VWC2L: variants seen among roughly 807,000 people sequenced by gnomAD.
VWC2L encodes the protein von Willebrand factor C domain containing 2 like, also known as von Willebrand factor C domain-containing protein 2-like.
Under a neutral mutation model 21.6 loss-of-function variants are expected in VWC2L, and 10 were observed. The observed-to-expected ratio is 0.46, with a 90% CI of 0.29 to 0.78. The LOEUF (loss-of-function observed/expected upper bound fraction) is 0.78. Among genes scored for constraint, VWC2L ranks in the 30% least tolerant of loss-of-function variants. The probability of loss-of-function intolerance (pLI) is 0.10; values close to 1 mark genes in which losing one functional copy is unlikely to be tolerated. For synonymous variants in VWC2L, 96 were observed against 94.3 expected (o/e 1.02, Z -0.10); for missense variants, 209 against 277.1 (o/e 0.75, Z 1.74).
chr2:214,447,346 G>T (rs1161794451), intron 3 of VWC2L, among the ~76,000 whole-genome samples: 2 of 152,114 alleles, frequency 1.3e-5, no homozygotes, highest in Non-Finnish European at 2.9e-5. Flanking sequence ...AGACATCCAT[G>T]TATCTCTCAG....
rs926260931 is a variant in VWC2L at position 214,436,438 on chromosome 2, A to G, written c.391-191A>G. 5 of 598,346 alleles carry G rather than the reference A, an allele frequency of 8.4e-6. No homozygotes were observed. The Admixed American group carries it at 1.2e-4, about 15-fold the overall frequency. 37.1% of individuals were successfully genotyped at this position (598,346 alleles called of 1,614,324 possible). On this transcript the variant is annotated intron_variant, in intron 2 of 3. Transcript: ENST00000312504. ...TTCTTGTTCACAGCAACCTGAGTGC[A>G]GGTTGTAATCCACTGTGACTTGGGT... is the stretch of plus-strand genomic sequence containing the variant.
intron 3 of VWC2L, among the ~76,000 whole-genome samples, chr2:214,511,860 CTATATATATACTT>C (rs199531026): frequency 0.36 from 52,801 of 145,466 alleles, 10,967 homozygotes; most frequent in Non-Finnish European, 0.48. Flanking sequence ...TATATATACT[CTATATATATACTT>C]TATATATATA....
chr2:214,507,010 T>C (rs1688977079), intron 3 of VWC2L, among the ~76,000 whole-genome samples: 1 of 152,064 alleles, frequency 6.6e-6, no homozygotes, highest in South Asian at 2.1e-4. Context: ...AAATGAGCTA[T>C]TTAATTATTA....
intron 3 of VWC2L, among the ~76,000 whole-genome samples, chr2:214,532,308 T>A (rs1436333107): frequency 6.6e-6 from 1 of 152,098 alleles, no homozygotes; most frequent in African/African-American, 2.4e-5. Context: ...TAAAAGCTGG[T>A]GATAAAATCT....
At chr2:214,572,512 A>T (rs1173125474) in intron 3 of VWC2L, among the ~76,000 whole-genome samples, 1 of 152,182 alleles carries the variant, frequency 6.6e-6, no homozygotes, top group Non-Finnish European at 1.5e-5. Context: ...CGACCAAGAC[A>T]AAAAGAAATC....
At chr2:214,553,547 G>T (rs1038749383) in intron 3 of VWC2L, among the ~76,000 whole-genome samples, 11 of 152,282 alleles carry the variant, frequency 7.2e-5, no homozygotes, top group African/African-American at 2.2e-4. Context: ...GGGTTATGGA[G>T]ACCAAGGTTT....
At chr2:214,438,876 A>C (rs1702720346) in intron 3 of VWC2L, among the ~76,000 whole-genome samples, 1 of 152,044 alleles carries the variant, frequency 6.6e-6, no homozygotes, top group Non-Finnish European at 1.5e-5. Flanking sequence ...CTAAGTACAC[A>C]AGGTATGTTA....
chr2:214,433,735 T>C (rs535733360), intron 2 of VWC2L, among the ~76,000 whole-genome samples: 5 of 152,304 alleles, frequency 3.3e-5, no homozygotes, highest in African/African-American at 9.6e-5. Context: ...GCAGTATCTT[T>C]TTACAAATGC....
rs139452182 is a variant in VWC2L at position 214,420,585 on chromosome 2, C to G, written c.390+6002C>G. Among the ~76,000 whole-genome samples the G allele has an allele frequency of 9.9e-5, 15 of 152,232 alleles. No individual in the cohort carries two copies. The East Asian group carries it at 2.5e-3, about 25-fold the overall frequency. ...AAAGCATATATATGAAGTATGAAGC[C>G]TGTATTTATTTTAATAACAGAGAAA... On this transcript the variant is annotated intron_variant, in intron 2 of 3. Coordinates refer to ENST00000312504, the MANE Select transcript of VWC2L (RefSeq NM_001080500.4).
intron 2 of VWC2L, among the ~76,000 whole-genome samples, chr2:214,421,833 A>C (rs560242375): frequency 6.8e-6 from 1 of 147,710 alleles, no homozygotes; most frequent in Non-Finnish European, 1.5e-5. Flanking sequence ...AAAAGACAGA[A>C]TTGGTTAATC....
intron 3 of VWC2L, among the ~76,000 whole-genome samples, chr2:214,450,740 A>C (rs1254811283): frequency 2.0e-5 from 3 of 152,126 alleles, no homozygotes; most frequent in Non-Finnish European, 2.9e-5. Context: ...GTGGGATGGA[A>C]AAAGGTCTCT....
intron 3 of VWC2L, among the ~76,000 whole-genome samples, chr2:214,510,482 C>T (rs991769544): frequency 4.6e-5 from 7 of 152,062 alleles, no homozygotes; most frequent in South Asian, 2.1e-4. Context: ...TGTGAAAAAC[C>T]GACAAGGTAC....
At chr2:214,483,821 G>A (rs1374534402) in intron 3 of VWC2L, among the ~76,000 whole-genome samples, 1 of 152,168 alleles carries the variant, frequency 6.6e-6, no homozygotes, top group Non-Finnish European at 1.5e-5. Flanking sequence ...GACAAGCCAT[G>A]GTGAAGCAGA....
chr2:214,524,162 G>A (rs1295482325), intron 3 of VWC2L, among the ~76,000 whole-genome samples: 1 of 151,916 alleles, frequency 6.6e-6, no homozygotes, highest in Non-Finnish European at 1.5e-5. Context: ...TATGTACTTT[G>A]CTACCTAACA....
intron 3 of VWC2L, among the ~76,000 whole-genome samples, chr2:214,511,740 AG>A (rs1282451451): frequency 1.3e-5 from 2 of 151,880 alleles, no homozygotes; most frequent in Admixed American, 1.3e-4. Flanking sequence ...TCTCCACAAA[AG>A]GTATATAATC....
At chr2:214,554,167 C>A (rs1432676679) in intron 3 of VWC2L, among the ~76,000 whole-genome samples, 2 of 152,186 alleles carry the variant, frequency 1.3e-5, no homozygotes, top group Non-Finnish European at 2.9e-5. Flanking sequence ...AGGAAGCCTA[C>A]CTCTTCCTCA....
chr2:214,451,655 C>A (rs1363359379), intron 3 of VWC2L, among the ~76,000 whole-genome samples: 1 of 151,994 alleles, frequency 6.6e-6, no homozygotes, highest in Non-Finnish European at 1.5e-5. Context: ...TTAAAGGCAG[C>A]AAAAGTCACT....
At chr2:214,539,248 T>C (rs1392092487) in intron 3 of VWC2L, among the ~76,000 whole-genome samples, 24 of 152,106 alleles carry the variant, frequency 1.6e-4, no homozygotes, top group Admixed American at 1.2e-3. Context: ...CATAACCCAA[T>C]TGGCATCAAG....
In VWC2L at chr2:214,472,402, A is replaced by G. The variant is rs1703323038; in HGVS notation, c.520+35644A>G. The stretch of plus-strand genomic sequence containing the variant: ...CACTAGAGTCTAGAATTAGGAAGAA[A>G]GTAGAAATATCATAGAAATATTTTT... On this transcript the variant is annotated intron_variant, in intron 3 of 3. Coordinates refer to ENST00000312504, the MANE Select transcript of VWC2L (RefSeq NM_001080500.4). Among the ~76,000 whole-genome samples the G allele has an allele frequency of 2.6e-5, 4 of 152,268 alleles. No homozygotes were observed. In the South Asian group the frequency reaches 8.3e-4, roughly 31 times the overall value.
Sources: gnomAD v4.1 joint callset for allele counts (sites outside exome capture counted in the v4.1 genomes callset) on GRCh38, gnomAD v4.1.1 for gene constraint, MANE v1.5 for transcripts, NCBI Gene and HGNC (gene_info 2026-07-23, HGNC 2026-07-21) for gene names.